The following AEBP2 variants were observed in gnomAD, a reference collection of about 807,000 sequenced individuals.
AEBP2 encodes zinc finger protein AEBP2.
In AEBP2, 10 loss-of-function variants were observed where a neutral mutation model predicts 50.8. That is an observed-to-expected ratio of 0.20 (90% CI 0.12 to 0.33). The LOEUF (loss-of-function observed/expected upper bound fraction) is 0.33. Among genes scored for constraint, AEBP2 ranks in the 10% least tolerant of loss-of-function variants. The pLI is 1.00. For synonymous variants in AEBP2, 296 were observed against 261.3 expected, an observed-to-expected ratio of 1.13 and a Z score of -1.28; for missense variants, 570 against 688.0, an observed-to-expected ratio of 0.83 and a Z score of 1.92.
In AEBP2 at chr12:19,440,245, C is replaced by T; in HGVS notation, c.546C>T (p.Ser182=). Residue 182 remains serine, a synonymous_variant, in exon 1 of 8, where the codon TCC becomes TCT. Transcript: ENST00000266508. The part of the protein sequence containing the change: ...GGGSSSSSVV[S]SGGDEGYGTG... ...GCAGCAGTAGCAGCAGCGTAGTCTCCAGCGGCGGCGACGAGGGCTACGGGA... is the reference window on the plus strand; with the variant it reads ...GCAGCAGTAGCAGCAGCGTAGTCTCTAGCGGCGGCGACGAGGGCTACGGGA... 2.7e-6 allele frequency: 4 copies of T among 1,469,164 alleles called. No individual in the cohort carries two copies. The highest frequency in any genetic ancestry group is 3.6e-6 in the Non-Finnish European group (4 of 1,121,914). The allele number at this position is 1,469,164 out of a possible 1,614,324, so 91.0% of individuals were successfully genotyped here. A position where few individuals can be genotyped will look rare whatever the true frequency, so the allele number is the denominator to read the frequency against.
intron 1 of AEBP2, chr12:19,457,118 C>T (rs748506079): frequency 3.8e-6 from 6 of 1,599,984 alleles, no homozygotes; most frequent in Non-Finnish European, 5.1e-6. Context: ...GTGTTGACTT[C>T]CTTAACAATT....
chr12:19,422,750 T>G (rs2095746459), intron 1 of AEBP2, among the ~76,000 whole-genome samples: 2 of 152,008 alleles, frequency 1.3e-5, no homozygotes, highest in Non-Finnish European at 2.9e-5. Context: ...CTGATAACTC[T>G]TGTGTGAAAG....
chr12:19,457,820 C>T (rs1948297550), intron 1 of AEBP2, among the ~76,000 whole-genome samples: 1 of 152,174 alleles, frequency 6.6e-6, no homozygotes, highest in African/African-American at 2.4e-5. Context: ...TACCCTAAAC[C>T]TGCTGAATCA....
intron 7 of AEBP2, among the ~76,000 whole-genome samples, chr12:19,516,654 G>A (rs1354065470): frequency 1.3e-5 from 2 of 152,150 alleles, no homozygotes; most frequent in Non-Finnish European, 2.9e-5. Flanking sequence ...AAGTCTTGTT[G>A]ATTTTATTCT....
chr12:19,451,481 A>G (rs1332953778), intron 1 of AEBP2, among the ~76,000 whole-genome samples: 1 of 152,124 alleles, frequency 6.6e-6, no homozygotes, highest in East Asian at 1.9e-4. Context: ...TGGTGGTTGA[A>G]GACTCCCGAG....
intron 4 of AEBP2, among the ~76,000 whole-genome samples, chr12:19,497,582 C>T (rs377129550): frequency 1.3e-5 from 2 of 152,062 alleles, no homozygotes; most frequent in Admixed American, 6.5e-5. Context: ...AATCAATTCC[C>T]GTGCGTCAGC....
At chr12:19,493,713 C>G in intron 3 of AEBP2, 87 bp from the exon 4 acceptor site, 4 of 1,270,454 alleles carry the variant, frequency 3.1e-6, no homozygotes, top group Non-Finnish European at 4.3e-6. Flanking sequence ...TTATTTACTT[C>G]CGAAAATACT....
At chr12:19,458,199 C>T (rs981441891) in intron 1 of AEBP2, among the ~76,000 whole-genome samples, 1 of 152,212 alleles carries the variant, frequency 6.6e-6, no homozygotes, top group African/African-American at 2.4e-5. Flanking sequence ...CATTTGTTTT[C>T]TGTCCTCTAC....
intron 1 of AEBP2, among the ~76,000 whole-genome samples, chr12:19,461,127 G>A (rs911995581): frequency 1.1e-4 from 17 of 152,134 alleles, no homozygotes; most frequent in Middle Eastern, 3.2e-3. Flanking sequence ...AAAACTTGGC[G>A]GGAGGGAAAC....
intron 5 of AEBP2, among the ~76,000 whole-genome samples, chr12:19,511,755 G>A (rs1949235238): frequency 2.0e-5 from 3 of 151,980 alleles, no homozygotes; most frequent in Admixed American, 2.0e-4. Context: ...GGTGTTCACT[G>A]TAACACAAAC....
chr12:19,406,930 A>G (rs980393506), intron 1 of AEBP2, among the ~76,000 whole-genome samples: 3 of 152,184 alleles, frequency 2.0e-5, no homozygotes, highest in Non-Finnish European at 4.4e-5. Context: ...CCAGTTGTTC[A>G]ACAACATTTG....
chr12:19,412,859 G>A (rs1046080299), intron 1 of AEBP2, among the ~76,000 whole-genome samples: 1 of 152,222 alleles, frequency 6.6e-6, no homozygotes, highest in Non-Finnish European at 1.5e-5. Flanking sequence ...AGAATGGGGA[G>A]GCTCTGGGTG....
chr12:19,468,185 A>T (rs896469824), intron 2 of AEBP2, among the ~76,000 whole-genome samples: 1 of 135,846 alleles, frequency 7.4e-6, no homozygotes, highest in East Asian at 2.2e-4. Flanking sequence ...CAGTCTTACT[A>T]TGTTGTCCAA....
upstream of AEBP2, among the ~76,000 whole-genome samples, chr12:19,435,004 A>C (rs1005145223): frequency 1.3e-5 from 2 of 151,962 alleles, no homozygotes; most frequent in African/African-American, 4.8e-5. Context: ...TTTTTCCCTT[A>C]ATAAATCCTT....
At chr12:19,448,356 A>G (rs572256242) in intron 1 of AEBP2, among the ~76,000 whole-genome samples, 10 of 152,232 alleles carry the variant, frequency 6.6e-5, no homozygotes, top group African/African-American at 1.9e-4. Flanking sequence ...AATTAGGCGC[A>G]TGCCTGTAAT....
chr12:19,408,692 G>T (rs1319231226), intron 1 of AEBP2, among the ~76,000 whole-genome samples: 1 of 152,016 alleles, frequency 6.6e-6, no homozygotes, highest in Non-Finnish European at 1.5e-5. Context: ...ACGAGGTCAG[G>T]AGTTCAAGAG....
chr12:19,412,742 C>T (rs2095739993), intron 1 of AEBP2, among the ~76,000 whole-genome samples: 2 of 152,022 alleles, frequency 1.3e-5, no homozygotes, highest in South Asian at 2.1e-4. Flanking sequence ...AAAGGGGTCC[C>T]GAACAAGACC....
chr12:19,413,438 C>G lies in AEBP2; in HGVS notation c.-17+9222C>G, dbSNP rs995122345. On this transcript the variant is annotated intron_variant, in intron 1 of 3. Transcript: ENST00000538425. The stretch of plus-strand genomic sequence containing the variant: ...TTCAACAGAAGAAAAGTAATGGACT[C>G]TGATGAAGAAGACGATTATTGAACT... 6 of 1,118,290 alleles carry G rather than the reference C, an allele frequency of 5.4e-6. No homozygotes were observed. In the African/African-American group the frequency reaches 7.7e-5, roughly 14 times the overall value. The allele number at this position is 1,118,290 out of a possible 1,614,324, so 69.3% of individuals were successfully genotyped here.
At position 19,493,950 on chromosome 12, in the gene AEBP2, A is replaced by C. The variant is rs745319555; in HGVS notation, c.1138A>C (p.Arg380=). Residue 380 remains arginine, a synonymous_variant, in exon 4 of 8, where the codon AGG becomes CGG. Coordinates refer to ENST00000266508, the MANE Select transcript of AEBP2 (RefSeq NM_153207.5). ...TCCTTCTAAAGCTGGAATGAACAAA[A>C]GGAGGAAATTAAAGAACAAAAGACG... The part of the protein sequence containing the change: ...ESPSKAGMNK[R]RKLKNKRRRS... 1 of 1,612,346 alleles carries C rather than the reference A, an allele frequency of 6.2e-7. No individual in the cohort carries two copies. Among genetic ancestry groups the C allele is most frequent in the South Asian group, 1.1e-5 (1 of 90,758 alleles).
Sources: allele counts gnomAD v4.1 joint callset (sites outside exome capture counted in the v4.1 genomes callset), GRCh38; gene constraint gnomAD v4.1.1; transcripts MANE v1.5; gene names NCBI Gene and HGNC (gene_info 2026-07-23, HGNC 2026-07-21).